The following UBE2E1 variants were observed in gnomAD, a reference collection of about 807,000 sequenced individuals.
The protein encoded by UBE2E1 is ubiquitin-conjugating enzyme E2 E1.
A neutral mutation model predicts 21.4 loss-of-function variants in UBE2E1; 6 were observed. The observed-to-expected ratio is 0.28, with a 90% confidence interval of 0.15 to 0.55. The LOEUF (loss-of-function observed/expected upper bound fraction) is 0.55, where lower values mean the gene tolerates loss of function less well. Among genes scored for constraint, UBE2E1 ranks in the 20% least tolerant of loss-of-function variants. The pLI is 0.93. For synonymous variants in UBE2E1, 87 were observed against 82.7 expected (o/e 1.05, Z -0.28); for missense variants, 142 against 236.5 (o/e 0.60, Z 2.62).
chr3:23,879,413 T>G (rs1454667484), intron 3 of UBE2E1: 3 of 474,158 alleles, frequency 6.3e-6, no homozygotes, highest in Non-Finnish European at 1.3e-5. Context: ...GCTAGCACAG[T>G]ACAAACCCAG....
intron 3 of UBE2E1, among the ~76,000 whole-genome samples, chr3:23,879,685 G>A (rs1295395077): frequency 1.3e-5 from 2 of 152,200 alleles, no homozygotes; most frequent in Non-Finnish European, 2.9e-5. Context: ...CCGCGGCGGA[G>A]GACAGGGCAC....
rs941621334 is a variant in UBE2E1, at chr3:23,859,780, A to C, written c.204-27787A>C. Among the ~76,000 whole-genome samples, 8 of 152,342 alleles carry C rather than the reference A, an allele frequency of 5.3e-5. No homozygotes were observed. In the East Asian group the frequency reaches 1.4e-3, roughly 26 times the overall value. ...GTAAACTGTCTTCCCTGGTTTTTAA[A>C]GCCCTTAATGATTTGGCCTCAACCT... On this transcript the variant is annotated intron_variant, in intron 3 of 5. Coordinates refer to ENST00000306627, the MANE Select transcript of UBE2E1 (RefSeq NM_003341.5).
chr3:23,871,516 A>AC (rs1173930113), intron 3 of UBE2E1, among the ~76,000 whole-genome samples: 17 of 128,176 alleles, frequency 1.3e-4, no homozygotes, highest in African/African-American at 3.2e-5. Context: ...GCGGGGGCTG[A>AC]CCCCCACCTC....
intron 3 of UBE2E1, among the ~76,000 whole-genome samples, chr3:23,843,408 A>T (rs1700134675): frequency 6.6e-6 from 1 of 152,228 alleles, no homozygotes; most frequent in South Asian, 2.1e-4. Flanking sequence ...TCACATAATG[A>T]TAATATAGAT....
intron 3 of UBE2E1, among the ~76,000 whole-genome samples, chr3:23,815,907 G>C (rs192503842): frequency 2.0e-5 from 3 of 152,318 alleles, no homozygotes; most frequent in African/African-American, 7.2e-5. Flanking sequence ...CTTTATGCAT[G>C]TAAAGGCAGT....
Position 23,836,424 on chromosome 3 carries a change from A to C in UBE2E1, c.203+24914A>C, listed in dbSNP as rs1417885413. 1.3e-5 allele frequency among the ~76,000 whole-genome samples: 2 copies of C among 152,182 alleles called. No individual in the cohort carries two copies. The highest frequency in any genetic ancestry group is 2.9e-5 in the Non-Finnish European group (2 of 68,028). On this transcript the variant is annotated intron_variant, in intron 3 of 5. Coordinates refer to ENST00000306627, the MANE Select transcript of UBE2E1 (RefSeq NM_003341.5). The surrounding 1 kb of genome is among the most constrained non-coding windows in gnomAD (Gnocchi z 4.1). The stretch of plus-strand genomic sequence containing the variant: ...GTACTGGGGAAGACATAAACAGGAG[A>C]GACTAGGTCCAGACTCTGTTGGAGC...
intron 3 of UBE2E1, among the ~76,000 whole-genome samples, chr3:23,843,243 A>G (rs1700131734): frequency 6.6e-6 from 1 of 152,150 alleles, no homozygotes; most frequent in Non-Finnish European, 1.5e-5. Flanking sequence ...TAGTTTGTAT[A>G]ATCGAGGTTA....
intron 3 of UBE2E1, chr3:23,879,132 G>T: frequency 1.7e-6 from 1 of 593,608 alleles, no homozygotes; most frequent in Non-Finnish European, 3.0e-6. Flanking sequence ...GGACTGCTTG[G>T]TTTTCTATAT....
intron 3 of UBE2E1, among the ~76,000 whole-genome samples, chr3:23,845,561 T>TTCTCTCTCTCTCTCTCTC (rs144798695): frequency 2.9e-4 from 40 of 136,994 alleles, no homozygotes; most frequent in Admixed American, 6.8e-4. Flanking sequence ...CTGTTTTGGT[T>TTCTCTCTCTCTCTCTCTC]TCTCTCTCTC....
chr3:23,817,435 A>G (rs796410389), intron 3 of UBE2E1, among the ~76,000 whole-genome samples: 7 of 148,548 alleles, frequency 4.7e-5, no homozygotes, highest in Non-Finnish European at 7.5e-5. Flanking sequence ...AAAAAAAAAA[A>G]AAAGAAAGAA....
At chr3:23,860,511 T>C (rs929507560) in intron 3 of UBE2E1, among the ~76,000 whole-genome samples, 2 of 152,220 alleles carry the variant, frequency 1.3e-5, no homozygotes, top group African/African-American at 4.8e-5. Flanking sequence ...TGTATTAAAG[T>C]GGCTATCCTA....
At chr3:23,828,360 G>T in intron 3 of UBE2E1, among the ~76,000 whole-genome samples, 1 of 152,052 alleles carries the variant, frequency 6.6e-6, no homozygotes, top group East Asian at 1.9e-4. Flanking sequence ...TTTCTATATT[G>T]TATGTAAATG....
intron 3 of UBE2E1, among the ~76,000 whole-genome samples, chr3:23,846,864 A>C (rs1444497556): frequency 6.6e-6 from 1 of 152,120 alleles, no homozygotes; most frequent in Non-Finnish European, 1.5e-5. Flanking sequence ...CTAGGTGTTT[A>C]GCTACTTTTT....
intron 5 of UBE2E1, 188 bp downstream of exon 5, chr3:23,889,447 G>GTA: frequency 7.0e-7 from 1 of 1,433,204 alleles, no homozygotes; most frequent in Non-Finnish European, 9.1e-7. Flanking sequence ...TCATTAATCA[G>GTA]TATATTCTAG....
At chr3:23,817,413 C>T (rs1234913887) in intron 3 of UBE2E1, among the ~76,000 whole-genome samples, 2 of 126,258 alleles carry the variant, frequency 1.6e-5, no homozygotes, top group African/African-American at 3.1e-5. Flanking sequence ...CAGAGTGAGA[C>T]TCTGTCTCAA....
intron 3 of UBE2E1, among the ~76,000 whole-genome samples, chr3:23,812,436 T>C (rs1699415800): frequency 6.6e-6 from 1 of 152,206 alleles, no homozygotes; most frequent in Non-Finnish European, 1.5e-5. Flanking sequence ...ATTTTTAAGA[T>C]GAGTGTGTGG....
rs1174591306 is a variant in UBE2E1 at position 23,863,360 on chromosome 3, C to T, written c.204-24207C>T. Among the ~76,000 whole-genome samples the T allele has an allele frequency of 6.6e-6, 1 of 151,728 alleles. No homozygotes were observed. The highest frequency in any genetic ancestry group is 1.5e-5 in the Non-Finnish European group (1 of 67,958). On this transcript the variant is annotated intron_variant, in intron 3 of 5. Transcript: ENST00000306627. The surrounding 1 kb of genome is among the most constrained non-coding windows in gnomAD (Gnocchi z 4.3). ...TACTTTTCCTTCCTTGCTTGACTACCTCCCTCCCCAAGTTATTCTCTCACC... is the reference window on the plus strand; with the variant it reads ...TACTTTTCCTTCCTTGCTTGACTACTTCCCTCCCCAAGTTATTCTCTCACC...
At chr3:23,852,623 C>G (rs578170616) in intron 3 of UBE2E1, among the ~76,000 whole-genome samples, 1 of 152,276 alleles carries the variant, frequency 6.6e-6, no homozygotes, top group Admixed American at 6.5e-5. Flanking sequence ...GAGACAGGGT[C>G]TCACTTTGTC....
rs549987872 is a variant in UBE2E1, at chr3:23,852,758, G to C, written c.204-34809G>C. ...TTACAGGCACGTGCCACTGCACCCA[G>C]CACACCCAGCTAGGTTTTTGTATTT... is the stretch of plus-strand genomic sequence containing the variant. On this transcript the variant is annotated intron_variant, in intron 3 of 5. Transcript: ENST00000306627. 2.0e-5 allele frequency among the ~76,000 whole-genome samples: 3 copies of C among 152,070 alleles called. No individual in the cohort carries two copies. The South Asian group carries it at 6.2e-4, about 32-fold the overall frequency.
Sources: gnomAD v4.1 joint callset for allele counts (sites outside exome capture counted in the v4.1 genomes callset) on GRCh38, gnomAD v4.1.1 for gene constraint, Gnocchi (gnomAD v3.1) non-coding constraint, MANE v1.5 for transcripts, NCBI Gene and HGNC (gene_info 2026-07-23, HGNC 2026-07-21) for gene names.